The following SLC22A2 variants were observed in gnomAD, a reference collection of about 807,000 sequenced individuals.
SLC22A2 encodes solute carrier family 22 member 2.
SLC22A2 carries 46 observed loss-of-function variants against 60.5 expected under a neutral mutation model. The observed-to-expected ratio is 0.76, with a 90% CI of 0.60 to 0.97. The LOEUF is 0.97. Ranked by LOEUF, SLC22A2 falls within the 50% of genes least tolerant of loss-of-function variation. The probability of loss-of-function intolerance (pLI) is 0.00; values close to 1 mark genes in which losing one functional copy is unlikely to be tolerated. For synonymous variants in SLC22A2, 303 were observed against 267.0 expected (o/e 1.13, Z -1.31); for missense variants, 701 against 706.6 (o/e 0.99, Z 0.09).
intron 10 of SLC22A2, among the ~76,000 whole-genome samples, chr6:160,219,732 A>G (rs949791602): frequency 1.3e-5 from 2 of 152,174 alleles, no homozygotes; most frequent in African/African-American, 4.8e-5. Context: ...AGACTACCAC[A>G]ATAAAGTAAG....
chr6:160,219,880 T>A (rs1311651814), intron 10 of SLC22A2, among the ~76,000 whole-genome samples: 2 of 152,234 alleles, frequency 1.3e-5, no homozygotes, highest in Non-Finnish European at 2.9e-5. Context: ...CTTTATTTTT[T>A]AAAAATGCTA....
chr6:160,238,877 G>A (rs866046494), intron 9 of SLC22A2, among the ~76,000 whole-genome samples: 2 of 152,270 alleles, frequency 1.3e-5, no homozygotes. Context: ...AGAGAAACAT[G>A]AAGTTGTCAA....
chr6:160,220,924 T>C (rs1214476016), intron 10 of SLC22A2, among the ~76,000 whole-genome samples: 1 of 152,170 alleles, frequency 6.6e-6, no homozygotes, highest in Non-Finnish European at 1.5e-5. Flanking sequence ...TTTAGCATAA[T>C]TCTTAGGGAC....
intron 3 of SLC22A2, 187 bp downstream of exon 3, chr6:160,250,361 T>G: frequency 5.0e-6 from 3 of 600,998 alleles, no homozygotes; most frequent in South Asian, 4.1e-5. Context: ...CTTCATTTTT[T>G]TAGTTTATAA....
chr6:160,248,126 C>A (rs995634195), intron 4 of SLC22A2, among the ~76,000 whole-genome samples: 3 of 152,202 alleles, frequency 2.0e-5, no homozygotes, highest in African/African-American at 7.2e-5. Flanking sequence ...TGCACTGATG[C>A]CCTCACCCCC....
At position 160,247,179 on chromosome 6, in the gene SLC22A2, C is replaced by A; in HGVS notation, c.957+5G>T. ...CCTGATTTGATACTTAAGGCCCTGGCTCACCTGAAGGGAGGCGGGTAGAGA... is the reference window on the plus strand; with the variant it reads ...CCTGATTTGATACTTAAGGCCCTGGATCACCTGAAGGGAGGCGGGTAGAGA... On this transcript the variant is annotated splice_donor_5th_base_variant and intron_variant, in intron 5 of 10. Transcript: ENST00000366953. 1 of 1,528,932 alleles carries A rather than the reference C, an allele frequency of 6.5e-7. No homozygotes were observed. Among genetic ancestry groups the A allele is most frequent in the Non-Finnish European group, 9.1e-7 (1 of 1,102,634 alleles). 94.7% of individuals were successfully genotyped at this position (1,528,932 alleles called of 1,614,324 possible). A position where few individuals can be genotyped will look rare whatever the true frequency, so the allele number is the denominator to read the frequency against.
intron 2 of SLC22A2, among the ~76,000 whole-genome samples, chr6:160,253,460 T>C (rs1203541445): frequency 6.6e-6 from 1 of 152,134 alleles, no homozygotes; most frequent in Non-Finnish European, 1.5e-5. Flanking sequence ...TCATGTCTTA[T>C]GGAAAGCTGC....
Position 160,216,938 on chromosome 6 carries a change from AT to A in SLC22A2, c.*493del, listed in dbSNP as rs1782547424. 6.6e-6 allele frequency: 1 copy of A among 152,138 alleles called. No homozygotes were observed. The highest frequency in any genetic ancestry group is 2.4e-5 in the African/African-American group (1 of 41,372). The allele number at this position is 152,138 out of a possible 1,614,324, so 9.4% of individuals were successfully genotyped here. ...GATAATAATCAATGTATTTTTAAAA[AT>A]TTCTTCACCTGTGTTACTGAAAGGC... On this transcript the variant is annotated 3_prime_UTR_variant, in exon 11 of 11. Coordinates refer to ENST00000366953, the MANE Select transcript of SLC22A2 (RefSeq NM_003058.4).
intron 2 of SLC22A2, among the ~76,000 whole-genome samples, chr6:160,254,912 TCTTAAC>T (rs1783243693): frequency 6.6e-6 from 1 of 152,208 alleles, no homozygotes. Flanking sequence ...TTAACTAATT[TCTTAAC>T]CCACTGAGCA....
intron 9 of SLC22A2, among the ~76,000 whole-genome samples, chr6:160,239,548 C>G (rs1782965474): frequency 1.3e-5 from 2 of 152,206 alleles, no homozygotes; most frequent in Non-Finnish European, 1.5e-5. Context: ...CCAGAAATGT[C>G]CTGCTGACCC....
chr6:160,249,899 T>A (rs1397222985), intron 3 of SLC22A2, among the ~76,000 whole-genome samples: 2 of 152,246 alleles, frequency 1.3e-5, no homozygotes, highest in Non-Finnish European at 2.9e-5. Context: ...GAACTGGTTT[T>A]ACATGCTGGG....
chr6:160,220,365 T>C (rs1782625861), intron 10 of SLC22A2, among the ~76,000 whole-genome samples: 1 of 152,210 alleles, frequency 6.6e-6, no homozygotes. Flanking sequence ...ATTCTAGTTC[T>C]TTTGCTATTT....
At chr6:160,235,050 C>G (rs779479010) in intron 9 of SLC22A2, among the ~76,000 whole-genome samples, 1 of 152,160 alleles carries the variant, frequency 6.6e-6, no homozygotes, top group African/African-American at 2.4e-5. Flanking sequence ...TCAGTTTGTT[C>G]AAGCTCTAAC....
intron 7 of SLC22A2, 85 bp downstream of exon 7, chr6:160,243,487 T>A: frequency 9.7e-7 from 1 of 1,026,400 alleles, no homozygotes; most frequent in Non-Finnish European, 1.5e-6. Context: ...GGATGACAAA[T>A]TACATGGTTT....
chr6:160,230,604 ATAGAG>A lies in SLC22A2; in HGVS notation c.1502-5805_1502-5801del, dbSNP rs1216738549. 2.6e-5 allele frequency among the ~76,000 whole-genome samples: 4 copies of A among 152,126 alleles called. No individual in the cohort carries two copies. In the East Asian group the frequency reaches 7.7e-4, roughly 29 times the overall value. ...AACCTTGCCTTCAAGGTGTACAATAATAGAGTAGAGGCAGCCAAGTAGCAATGTAT... is the reference window on the plus strand; with the variant it reads ...AACCTTGCCTTCAAGGTGTACAATAATAGAGGCAGCCAAGTAGCAATGTAT... On this transcript the variant is annotated intron_variant, in intron 9 of 10. Coordinates refer to ENST00000366953, the MANE Select transcript of SLC22A2 (RefSeq NM_003058.4).
chr6:160,248,440 A>G (rs1173545542), intron 4 of SLC22A2, among the ~76,000 whole-genome samples: 1 of 152,166 alleles, frequency 6.6e-6, no homozygotes, highest in Non-Finnish European at 1.5e-5. Context: ...ACAGAGTTTT[A>G]TTGGCTTTTG....
At chr6:160,248,048 T>TGG (rs1783124273) in intron 4 of SLC22A2, among the ~76,000 whole-genome samples, 2 of 152,152 alleles carry the variant, frequency 1.3e-5, no homozygotes, top group African/African-American at 4.8e-5. Context: ...GGAAGTGTAA[T>TGG]AGAGACAGCA....
At chr6:160,253,263 T>A (rs754861318) in intron 2 of SLC22A2, among the ~76,000 whole-genome samples, 12 of 152,232 alleles carry the variant, frequency 7.9e-5, no homozygotes, top group Non-Finnish European at 1.3e-4. Flanking sequence ...TATATGCAAA[T>A]TAATTTAAAT....
chr6:160,228,791 G>A (rs867304721), intron 9 of SLC22A2, among the ~76,000 whole-genome samples: 9 of 151,894 alleles, frequency 5.9e-5, no homozygotes, highest in African/African-American at 1.9e-4. Context: ...ATTACCTTGT[G>A]AAATTCCTTC....
Sources: gnomAD v4.1 joint callset for allele counts (sites outside exome capture counted in the v4.1 genomes callset) on GRCh38, gnomAD v4.1.1 for gene constraint, MANE v1.5 for transcripts, NCBI Gene and HGNC (gene_info 2026-07-23, HGNC 2026-07-21) for gene names.